APBB2: variants seen among roughly 807,000 people sequenced by gnomAD.
APBB2 encodes the protein amyloid beta precursor protein binding family B member 2.
Under a neutral mutation model 82.5 loss-of-function variants are expected in APBB2, and 38 were observed. That is an observed-to-expected ratio of 0.46 (90% confidence interval 0.36 to 0.60). The LOEUF is 0.60. Ranked by LOEUF, APBB2 falls within the 20% of genes least tolerant of loss-of-function variation. The probability of loss-of-function intolerance (pLI) is 0.00; values close to 1 mark genes in which losing one functional copy is unlikely to be tolerated. For synonymous variants in APBB2, 341 were observed against 368.2 expected, an observed-to-expected ratio of 0.93 and a Z score of 0.85; for missense variants, 772 against 972.3, an observed-to-expected ratio of 0.79 and a Z score of 2.74.
intron 6 of APBB2, among the ~76,000 whole-genome samples, chr4:40,972,772 C>T (rs550115264): frequency 1.1e-3 from 163 of 152,266 alleles, no homozygotes; most frequent in African/African-American, 3.5e-3. Flanking sequence ...AAGTTTTAAC[C>T]CTAGTGAATA....
rs566124518 is a variant in APBB2 at position 41,097,308 on chromosome 4, G to A, written c.-149+3331C>T. On this transcript the variant is annotated intron_variant, in intron 3 of 17. Transcript: ENST00000508593. ...ATTTTGAGCACATATTCAGACCCAT[G>A]AGCCTCCTATTCAGAATATGTCTGG... is the stretch of plus-strand genomic sequence containing the variant. Among the ~76,000 whole-genome samples, 5 of 152,288 alleles carry A rather than the reference G, an allele frequency of 3.3e-5. No homozygotes were observed. In the South Asian group the frequency reaches 1.0e-3, roughly 32 times the overall value.
intron 6 of APBB2, among the ~76,000 whole-genome samples, chr4:40,952,147 C>T (rs1790355944): frequency 6.9e-6 from 1 of 144,820 alleles, no homozygotes; most frequent in East Asian, 2.1e-4. Flanking sequence ...GATTGCACCA[C>T]TGCATTCCAG....
chr4:41,105,878 C>G (rs1360128474), intron 2 of APBB2, among the ~76,000 whole-genome samples: 1 of 137,446 alleles, frequency 7.3e-6, no homozygotes, highest in African/African-American at 2.7e-5. Context: ...AGAGCGAGAC[C>G]CCGTCTCAAA....
At chr4:41,206,041 C>T (rs1033963902) in intron 1 of APBB2, among the ~76,000 whole-genome samples, 1 of 152,134 alleles carries the variant, frequency 6.6e-6, no homozygotes, top group African/African-American at 2.4e-5. Flanking sequence ...GTTATCCCTC[C>T]ACAGTCACCA....
intron 4 of APBB2, among the ~76,000 whole-genome samples, chr4:41,034,143 A>G (rs895133461): frequency 6.6e-6 from 1 of 152,208 alleles, no homozygotes; most frequent in African/African-American, 2.4e-5. Context: ...ACTTCTGATA[A>G]TTTGTTTCAC....
chr4:40,844,276 G>GC (rs1560676956), intron 12 of APBB2, among the ~76,000 whole-genome samples: 1 of 152,126 alleles, frequency 6.6e-6, no homozygotes, highest in Non-Finnish European at 1.5e-5. Context: ...TACATGGTAT[G>GC]CCCCACAAAA....
intron 1 of APBB2, among the ~76,000 whole-genome samples, chr4:41,155,414 G>T (rs1231726681): frequency 6.6e-6 from 1 of 152,170 alleles, no homozygotes; most frequent in Non-Finnish European, 1.5e-5. Flanking sequence ...CTGGGTCAGG[G>T]CACAAGATTA....
intron 6 of APBB2, among the ~76,000 whole-genome samples, chr4:40,982,381 AGGAAGGAAG>A (rs1419402740): frequency 1.3e-4 from 2 of 15,170 alleles, no homozygotes; most frequent in African/African-American, 2.7e-4. Flanking sequence ...GAAGGAAGGA[AGGAAGGAAG>A]GAAAGGAAAG....
chr4:40,943,795 TC>T (rs1787646911), intron 7 of APBB2, among the ~76,000 whole-genome samples: 1 of 152,116 alleles, frequency 6.6e-6, no homozygotes, highest in Non-Finnish European at 1.5e-5. Flanking sequence ...TAAACCAAAG[TC>T]CTTGCCTACC....
At chr4:41,202,344 AGCATATGCCAGTTCTCTTTTG>A (rs1293852578) in intron 1 of APBB2, among the ~76,000 whole-genome samples, 2 of 152,220 alleles carry the variant, frequency 1.3e-5, no homozygotes, top group African/African-American at 2.4e-5. Context: ...AATTTCACTT[AGCATATGCCAGTTCTCTTTTG>A]TTCCCAATTA....
chr4:41,048,497 T>C (rs1455901801), intron 4 of APBB2, among the ~76,000 whole-genome samples: 1 of 152,210 alleles, frequency 6.6e-6, no homozygotes, highest in African/African-American at 2.4e-5. Flanking sequence ...ATTATTATCC[T>C]CATTTTATAG....
At chr4:40,881,825 C>T (rs1169131538) in intron 12 of APBB2, among the ~76,000 whole-genome samples, 4 of 151,974 alleles carry the variant, frequency 2.6e-5, no homozygotes, top group Non-Finnish European at 5.9e-5. Context: ...TGAGCCACTG[C>T]GCCCGGCCGA....
intron 6 of APBB2, among the ~76,000 whole-genome samples, chr4:40,966,962 G>A (rs1339835372): frequency 6.6e-6 from 1 of 152,190 alleles, no homozygotes; most frequent in African/African-American, 2.4e-5. Flanking sequence ...ATGGACCAGG[G>A]TGAGAATTTA....
chr4:41,151,711 A>G (rs1762318589), intron 1 of APBB2, among the ~76,000 whole-genome samples: 1 of 151,830 alleles, frequency 6.6e-6, no homozygotes, highest in African/African-American at 2.4e-5. Flanking sequence ...GCTGTTGGGA[A>G]GTCAGCTCTC....
At chr4:40,881,413 C>T (rs1578168140) in intron 12 of APBB2, 3 of 983,146 alleles carry the variant, frequency 3.1e-6, no homozygotes, top group East Asian at 1.1e-4. Flanking sequence ...CACCTAATCA[C>T]TCCTAGGGAA....
intron 5 of APBB2, among the ~76,000 whole-genome samples, chr4:41,030,579 A>G (rs1351150533): frequency 6.6e-6 from 1 of 152,050 alleles, no homozygotes; most frequent in African/African-American, 2.4e-5. Flanking sequence ...TCCCTGCTCA[A>G]TTTCTAAGCT....
At chr4:41,124,364 GC>G (rs1483517746) in intron 2 of APBB2, among the ~76,000 whole-genome samples, 1 of 152,026 alleles carries the variant, frequency 6.6e-6, no homozygotes, top group Non-Finnish European at 1.5e-5. Flanking sequence ...GACTGTAGGC[GC>G]CCACCACCAT....
chr4:41,014,310 T>C lies in APBB2; in HGVS notation c.108A>G (p.Pro36=), dbSNP rs750033774. Residue 36 remains proline, a synonymous_variant, in exon 6 of 18, where the codon CCA becomes CCG. Transcript: ENST00000508593. ...GGGAGGATCGGAGGTTAAGGGTGTT[T>C]GGTGGTGTGGCTGGGCTGTTCCGAT... ...VTNRNSPATP[P]NTLNLRSSHN... The C allele has an allele frequency of 3.7e-6, 6 of 1,614,152 alleles. No homozygotes were observed. Among genetic ancestry groups the C allele is most frequent in the Middle Eastern group, 1.6e-4 (1 of 6,062 alleles).
intron 4 of APBB2, among the ~76,000 whole-genome samples, chr4:41,044,194 T>C (rs1385510629): frequency 1.3e-5 from 2 of 152,240 alleles, no homozygotes; most frequent in African/African-American, 2.4e-5. Flanking sequence ...CACTTGGTTT[T>C]CCAGTGGTAC....
Sources: gnomAD v4.1 joint callset for allele counts (sites outside exome capture counted in the v4.1 genomes callset) on GRCh38, gnomAD v4.1.1 for gene constraint, MANE v1.5 for transcripts, NCBI Gene and HGNC (gene_info 2026-07-23, HGNC 2026-07-21) for gene names.